The following PFKFB3 variants were observed in gnomAD, a reference collection of about 807,000 sequenced individuals.
PFKFB3 encodes 6-phosphofructo-2-kinase/fructose-2,6-bisphosphatase 3.
In PFKFB3, 33 loss-of-function variants were observed where a neutral mutation model predicts 68.0. The observed-to-expected ratio is 0.49, with a 90% CI of 0.37 to 0.65. The LOEUF (loss-of-function observed/expected upper bound fraction) is 0.65, where lower values mean the gene tolerates loss of function less well. Ranked by LOEUF, PFKFB3 falls within the 30% of genes least tolerant of loss-of-function variation. The pLI, the probability that PFKFB3 is intolerant of heterozygous loss-of-function variation, is 0.00. For missense variants in PFKFB3, 586 were observed against 712.2 expected (o/e 0.82, Z 2.02); for synonymous variants, 315 against 288.2 (o/e 1.09, Z -0.94).
chr10:6,220,949 T>C lies in PFKFB3; in HGVS notation c.831+84T>C. 8.6e-7 allele frequency: 1 copy of C among 1,156,294 alleles called. No homozygotes were observed. The highest frequency in any genetic ancestry group is 1.3e-6 in the Non-Finnish European group (1 of 782,994). 71.6% of individuals were successfully genotyped at this position (1,156,294 alleles called of 1,614,324 possible). A position where few individuals can be genotyped will look rare whatever the true frequency, so the allele number is the denominator to read the frequency against. Reference sequence around the variant, plus strand: ...GGGTGGGTGGGGAGCTGTGTGCTGCTGCTGCTGCTGCTGCTGCTGCTTGGT... The same window carrying C: ...GGGTGGGTGGGGAGCTGTGTGCTGCCGCTGCTGCTGCTGCTGCTGCTTGGT... On this transcript the variant is annotated intron_variant, in intron 8 of 14. Coordinates refer to ENST00000379775, the MANE Select transcript of PFKFB3 (RefSeq NM_004566.4). This position sits in a 1 kb window ranked among gnomAD's most constrained non-coding sequence, Gnocchi z 4.1.
the PFKFB3 span, among the ~76,000 whole-genome samples, chr10:6,303,177 C>T: frequency 6.6e-6 from 1 of 152,184 alleles, no homozygotes; most frequent in African/African-American, 2.4e-5. Flanking sequence ...TTATGGACTG[C>T]TCTAAGCTTA....
the PFKFB3 span, among the ~76,000 whole-genome samples, chr10:6,317,838 G>A: frequency 3.3e-5 from 5 of 152,310 alleles, no homozygotes; most frequent in East Asian, 1.9e-4. Context: ...TGGGACCTGC[G>A]GGAGGGGCAG....
chr10:6,270,964 A>T, the PFKFB3 span, among the ~76,000 whole-genome samples: 1 of 152,256 alleles, frequency 6.6e-6, no homozygotes, highest in Non-Finnish European at 1.5e-5. Flanking sequence ...TATTCATTTC[A>T]TCCTAACTGT....
intron 6 of PFKFB3, among the ~76,000 whole-genome samples, chr10:6,217,937 A>G (rs1354433127): frequency 6.6e-6 from 1 of 152,246 alleles, no homozygotes. Context: ...TGGTGCTGGC[A>G]TCTTTGCACC....
chr10:6,201,007 C>G (rs935067499), upstream of PFKFB3, among the ~76,000 whole-genome samples: 1 of 152,232 alleles, frequency 6.6e-6, no homozygotes. The surrounding 1 kb of genome is among the most constrained non-coding windows in gnomAD (Gnocchi z 4.1). Context: ...AGAAGGCCCC[C>G]TGGTCCGCTT....
chr10:6,262,316 G>T, the PFKFB3 span, among the ~76,000 whole-genome samples: 1,736 of 151,296 alleles, frequency 0.011, 13 homozygotes, highest in Non-Finnish European at 0.019. Context: ...TAGCCGGGTG[G>T]GGTGGGGGGT....
chr10:6,203,686 C>G (rs559135695), intron 1 of PFKFB3, among the ~76,000 whole-genome samples: 267 of 152,010 alleles, frequency 1.8e-3, no homozygotes, highest in African/African-American at 6.0e-3. Flanking sequence ...GGAGCGCAGC[C>G]CAGGGACCCG....
At chr10:6,223,681 G>A (rs1845124192) in intron 11 of PFKFB3, among the ~76,000 whole-genome samples, 1 of 152,128 alleles carries the variant, frequency 6.6e-6, no homozygotes, top group African/African-American at 2.4e-5. Flanking sequence ...GCAGTGCAAT[G>A]CATGCACTCA....
chr10:6,178,044 AC>A (rs1842583177), intron 1 of PFKFB3, among the ~76,000 whole-genome samples: 1 of 151,964 alleles, frequency 6.6e-6, no homozygotes, highest in African/African-American at 2.4e-5. Context: ...TGGCATGAAG[AC>A]CCTAGTCAGG....
the PFKFB3 span, among the ~76,000 whole-genome samples, chr10:6,284,589 T>C: frequency 6.6e-6 from 1 of 152,226 alleles, no homozygotes; most frequent in Non-Finnish European, 1.5e-5. Flanking sequence ...TGGCATAATA[T>C]ACACAATGAA....
At chr10:6,298,616 T>A in the PFKFB3 span, among the ~76,000 whole-genome samples, 1 of 152,182 alleles carries the variant, frequency 6.6e-6, no homozygotes, top group African/African-American at 2.4e-5. Flanking sequence ...TCCTCCTGCC[T>A]CGGCCTCCCA....
chr10:6,298,009 CT>C, the PFKFB3 span, among the ~76,000 whole-genome samples: 2 of 152,154 alleles, frequency 1.3e-5, no homozygotes, highest in African/African-American at 4.8e-5. Context: ...AATAATTGGG[CT>C]GGAACCATAA....
chr10:6,146,184 G>A, intron 1 of PFKFB3: 1 of 1,397,462 alleles, frequency 7.2e-7, no homozygotes, highest in Non-Finnish European at 9.3e-7. Flanking sequence ...CCTGTGCTGT[G>A]CCGTCTCTCC....
intron 9 of PFKFB3, 23 bp from the exon 10 acceptor site, chr10:6,221,618 G>A: frequency 6.2e-7 from 1 of 1,609,534 alleles, no homozygotes. Context: ...TTGTTCCCCT[G>A]AGTGACCACT....
intron 1 of PFKFB3, among the ~76,000 whole-genome samples, chr10:6,180,085 G>A (rs183599578): frequency 1.5e-3 from 231 of 151,884 alleles, no homozygotes; most frequent in African/African-American, 5.1e-3. Flanking sequence ...GCGCTCGCGT[G>A]TAATCCCAGC....
chr10:6,225,580 C>G (rs1169405924), intron 13 of PFKFB3, among the ~76,000 whole-genome samples: 1 of 152,256 alleles, frequency 6.6e-6, no homozygotes, highest in Non-Finnish European at 1.5e-5. Context: ...GAGGCCCACA[C>G]CCCATCACGC....
At chr10:6,161,805 T>A (rs1841983908) in intron 1 of PFKFB3, among the ~76,000 whole-genome samples, 1 of 152,194 alleles carries the variant, frequency 6.6e-6, no homozygotes, top group Non-Finnish European at 1.5e-5. Flanking sequence ...GCTAATTTTT[T>A]AATTTTTAAT....
the PFKFB3 span, among the ~76,000 whole-genome samples, chr10:6,322,444 A>T: frequency 1.3e-5 from 2 of 152,138 alleles, no homozygotes; most frequent in African/African-American, 4.8e-5. Context: ...GCCACTCTTG[A>T]CCACTGTAGT....
chr10:6,274,048 T>G, the PFKFB3 span, among the ~76,000 whole-genome samples: 1 of 151,732 alleles, frequency 6.6e-6, no homozygotes, highest in East Asian at 1.9e-4. Context: ...CTACAAAAAA[T>G]AAAATAGCTG....
Sources: allele counts gnomAD v4.1 joint callset (sites outside exome capture counted in the v4.1 genomes callset), GRCh38; gene constraint gnomAD v4.1.1; non-coding constraint Gnocchi (gnomAD v3.1); transcripts MANE v1.5; gene names NCBI Gene and HGNC (gene_info 2026-07-23, HGNC 2026-07-21).